Variants in NCOA7 observed in about 807,000 individuals in gnomAD.
The protein encoded by NCOA7 is 140 kDa estrogen receptor-associated protein.
In NCOA7, 45 loss-of-function variants were observed where a neutral mutation model predicts 104.3. The observed-to-expected ratio is 0.43, with a 90% CI of 0.34 to 0.55. The LOEUF is 0.55. NCOA7 is among the 20% of genes least tolerant of loss of function. NCOA7 has a pLI of 0.02. For synonymous variants in NCOA7, 398 were observed against 402.3 expected (o/e 0.99, Z 0.13); for missense variants, 1,041 against 1,119.7 (o/e 0.93, Z 1.00).
intron 1 of NCOA7, among the ~76,000 whole-genome samples, chr6:125,808,307 C>G (rs1776648167): frequency 6.6e-6 from 1 of 152,208 alleles, no homozygotes; most frequent in Non-Finnish European, 1.5e-5. Flanking sequence ...ACACTCCTTC[C>G]CTTTGAGGCA....
intron 1 of NCOA7, chr6:125,810,081 G>A (rs1232747877): frequency 1.3e-5 from 2 of 152,240 alleles, no homozygotes; most frequent in East Asian, 3.8e-4. Context: ...GAAAGCATTT[G>A]GGGATGAGCT....
At chr6:125,861,283 C>G (rs1782027358) in intron 3 of NCOA7, among the ~76,000 whole-genome samples, 1 of 152,110 alleles carries the variant, frequency 6.6e-6, no homozygotes. Flanking sequence ...ATTACTTTTT[C>G]TTAATGTTTT....
chr6:125,928,835 G>C lies in NCOA7; in HGVS notation c.*64G>C. On this transcript the variant is annotated 3_prime_UTR_variant, in exon 16 of 16. Coordinates refer to ENST00000392477, the MANE Select transcript of NCOA7 (RefSeq NM_181782.5). ...GGTTCGATCAGCCCTCCTAAAGCTG[G>C]CTGGAAAAAGAAGCCCCAGCCCAGC... The C allele has an allele frequency of 6.5e-7, 1 of 1,542,136 alleles. No individual in the cohort carries two copies. Among genetic ancestry groups the C allele is most frequent in the Non-Finnish European group, 8.7e-7 (1 of 1,147,986 alleles).
chr6:125,871,118 A>G (rs1401553152), intron 3 of NCOA7, among the ~76,000 whole-genome samples: 1 of 152,164 alleles, frequency 6.6e-6, no homozygotes, highest in African/African-American at 2.4e-5. Context: ...GGCAGTAGAT[A>G]CTTTTGCGTC....
intron 3 of NCOA7, among the ~76,000 whole-genome samples, chr6:125,866,962 G>A (rs1194577815): frequency 6.6e-6 from 1 of 151,992 alleles, no homozygotes; most frequent in African/African-American, 2.4e-5. Context: ...TATTTAAATT[G>A]CATTTAAACA....
chr6:125,818,417 A>G (rs761550296), intron 2 of NCOA7, among the ~76,000 whole-genome samples: 1 of 152,208 alleles, frequency 6.6e-6, no homozygotes, highest in Non-Finnish European at 1.5e-5. Context: ...GAAACAAAAA[A>G]CGTATCCTAA....
At chr6:125,826,177 A>C (rs78048321) in intron 2 of NCOA7, among the ~76,000 whole-genome samples, 1 of 152,036 alleles carries the variant, frequency 6.6e-6, no homozygotes, top group African/African-American at 2.4e-5. Context: ...TACAAAAAAA[A>C]TTAGCCAGGC....
chr6:125,916,591 C>T lies in NCOA7; in HGVS notation c.2244+1111C>T, dbSNP rs188022662. ...TCCTGTTCTGCTGCTCTCTTGAACCCCACTTAGCATTTCTTCTTTCCCAGC... is the reference window on the plus strand; with the variant it reads ...TCCTGTTCTGCTGCTCTCTTGAACCTCACTTAGCATTTCTTCTTTCCCAGC... On this transcript the variant is annotated intron_variant, in intron 11 of 15. Coordinates refer to ENST00000392477, the MANE Select transcript of NCOA7 (RefSeq NM_181782.5). Among the ~76,000 whole-genome samples the T allele has an allele frequency of 4.6e-5, 7 of 152,256 alleles. No homozygotes were observed. In the East Asian group the frequency reaches 1.3e-3, roughly 29 times the overall value.
rs1011839888 is a variant in NCOA7 at position 125,929,452 on chromosome 6, A to G, written c.*681A>G. The G allele has an allele frequency of 6.6e-6, 1 of 151,938 alleles. No individual in the cohort carries two copies. Among genetic ancestry groups the G allele is most frequent in the Non-Finnish European group, 1.5e-5 (1 of 67,980 alleles). The allele number at this position is 151,938 out of a possible 1,614,324, so 9.4% of individuals were successfully genotyped here. ...TTTAGGGTGATAGGTCTTAAGCAGC[A>G]TATATCTATATATCTGTATGTGGGT... On this transcript the variant is annotated 3_prime_UTR_variant, in exon 16 of 16. Coordinates refer to ENST00000392477, the MANE Select transcript of NCOA7 (RefSeq NM_181782.5).
At chr6:125,911,073 G>A (rs1261801038) in intron 10 of NCOA7, among the ~76,000 whole-genome samples, 3 of 152,208 alleles carry the variant, frequency 2.0e-5, no homozygotes, top group Non-Finnish European at 4.4e-5. Flanking sequence ...TTGTATGGAG[G>A]CTGCAAAGGC....
intron 13 of NCOA7, among the ~76,000 whole-genome samples, chr6:125,926,293 C>T (rs1306631905): frequency 1.4e-5 from 2 of 138,118 alleles, no homozygotes; most frequent in Non-Finnish European, 3.1e-5. Flanking sequence ...GCCTGGGCAA[C>T]AGAGCAAGAC....
chr6:125,791,630 A>G (rs910244361), intron 1 of NCOA7, among the ~76,000 whole-genome samples: 1 of 152,176 alleles, frequency 6.6e-6, no homozygotes. Flanking sequence ...AAGTCAGATT[A>G]TTCTGGAGAT....
In NCOA7 at chr6:125,861,623, C is replaced by T. The variant is rs183823036; in HGVS notation, c.271+6383C>T. Among the ~76,000 whole-genome samples, 4 of 152,140 alleles carry T rather than the reference C, an allele frequency of 2.6e-5. 1 individual carries two copies. Among genetic ancestry groups the T allele is most frequent in the Admixed American group, 2.6e-4 (4 of 15,288 alleles). On this transcript the variant is annotated intron_variant, in intron 3 of 15. Transcript: ENST00000392477. Reference sequence around the variant, plus strand: ...AATTATTTGGATGAAAATAGTTAGGCCTGTGCTTCTTGGGACCATCAAAGA... The same window carrying T: ...AATTATTTGGATGAAAATAGTTAGGTCTGTGCTTCTTGGGACCATCAAAGA...
rs1256876111 is a variant in NCOA7, at chr6:125,847,136, GTATT to G, written c.51-7882_51-7879del. On this transcript the variant is annotated intron_variant, in intron 2 of 15. Transcript: ENST00000392477. ...TGTACAAATGAGAACATAATAAAAA[GTATT>G]TGTGTGTGTGTGTATGTACCCTTGT... Among the ~76,000 whole-genome samples, 12 of 152,150 alleles carry G rather than the reference GTATT, an allele frequency of 7.9e-5. No individual in the cohort carries two copies. The South Asian group carries it at 1.4e-3, about 18-fold the overall frequency.
At chr6:125,813,799 G>A (rs1562811437) in intron 1 of NCOA7, among the ~76,000 whole-genome samples, 1 of 151,964 alleles carries the variant, frequency 6.6e-6, no homozygotes, top group Non-Finnish European at 1.5e-5. Flanking sequence ...GGATACCTGG[G>A]GTGGGCCTTG....
At chr6:125,822,534 C>T (rs978827922) in intron 2 of NCOA7, among the ~76,000 whole-genome samples, 3 of 152,178 alleles carry the variant, frequency 2.0e-5, no homozygotes, top group East Asian at 3.8e-4. Context: ...GCCTGAGCCC[C>T]AAATCCCTGT....
intron 2 of NCOA7, among the ~76,000 whole-genome samples, chr6:125,834,940 A>G (rs1386932752): frequency 6.6e-6 from 1 of 152,202 alleles, no homozygotes; most frequent in Admixed American, 6.5e-5. Flanking sequence ...AGATTAATTT[A>G]TAGCTGCTTG....
At chr6:125,879,072 T>C (rs1258978466) in intron 5 of NCOA7, among the ~76,000 whole-genome samples, 3 of 152,182 alleles carry the variant, frequency 2.0e-5, no homozygotes, top group South Asian at 4.1e-4. Flanking sequence ...GAGAATTGCT[T>C]GGGAAAAACA....
intron 1 of NCOA7, among the ~76,000 whole-genome samples, chr6:125,812,868 C>T (rs1225734185): frequency 6.6e-6 from 1 of 151,920 alleles, no homozygotes; most frequent in Non-Finnish European, 1.5e-5. Context: ...CCTTACTTTC[C>T]TTGTTATCTA....
Sources: allele counts gnomAD v4.1 joint callset (sites outside exome capture counted in the v4.1 genomes callset), GRCh38; gene constraint gnomAD v4.1.1; transcripts MANE v1.5; gene names NCBI Gene and HGNC (gene_info 2026-07-23, HGNC 2026-07-21).